Variants in SERPINB3 observed in about 807,000 individuals in gnomAD.
SERPINB3 encodes the protein serpin B3.
In SERPINB3, 33 loss-of-function variants were observed where a neutral mutation model predicts 33.0. The observed-to-expected ratio is 1.00, with a 90% confidence interval of 0.76 to 1.34. The LOEUF (loss-of-function observed/expected upper bound fraction) is 1.34. Among genes scored for constraint, SERPINB3 ranks in the 40% most tolerant of loss-of-function variants. SERPINB3 has a pLI of 0.00. For missense variants in SERPINB3, 518 were observed against 461.5 expected, an observed-to-expected ratio of 1.12 and a Z score of -1.12; for synonymous variants, 200 against 170.9, an observed-to-expected ratio of 1.17 and a Z score of -1.33.
Position 63,657,388 on chromosome 18 carries a change from T to C in SERPINB3, c.494A>G (p.Glu165Gly). 6.2e-7 allele frequency: 1 copy of C among 1,607,654 alleles called. No individual in the cohort carries two copies. The highest frequency in any genetic ancestry group is 8.5e-7 in the Non-Finnish European group (1 of 1,176,676). Residue 165 changes from glutamate (E) to glycine (G), a missense_variant, in exon 6 of 8, where the codon GAA becomes GGA. Glu to Gly is a moderately conservative substitution (Grantham distance 98, BLOSUM62 -2). Transcript: ENST00000283752. ...TNEKIKNLIP[E>G]GNIGSNTTLV... ...TGTGGTATTGCTGCCAATATTACCT[T>C]CAGGAATTAGGTTTTTAATTTTTTC...
chr18:63,656,265 A>G lies in SERPINB3; in HGVS notation c.769-204T>C, dbSNP rs1427875634. ...ATTGGGTTATATGTGTATGTGTATA[A>G]ACAGAATCAAGTTTTTATGTATATG... is the stretch of plus-strand genomic sequence containing the variant. On this transcript the variant is annotated intron_variant, in intron 7 of 7. Transcript: ENST00000283752. Among the ~76,000 whole-genome samples, 4 of 141,854 alleles carry G rather than the reference A, an allele frequency of 2.8e-5. No homozygotes were observed. In the South Asian group the frequency reaches 8.3e-4, roughly 29 times the overall value. 93.1% of individuals were successfully genotyped at this position (141,854 alleles called of 152,430 possible). A position where few individuals can be genotyped will look rare whatever the true frequency, so the allele number is the denominator to read the frequency against.
At chr18:63,658,799 C>T (rs540518185) in intron 4 of SERPINB3, among the ~76,000 whole-genome samples, 169 bp from the exon 5 acceptor site, 13 of 152,218 alleles carry the variant, frequency 8.5e-5, no homozygotes, top group Non-Finnish European at 1.6e-4. Context: ...AATGCAAAAG[C>T]GGAGTGCGGG....
rs1215892607 is a variant in SERPINB3, at chr18:63,657,298, G to C, written c.584C>G (p.Thr195Ser). The C allele has an allele frequency of 6.2e-7, 1 of 1,600,684 alleles. No individual in the cohort carries two copies. Among genetic ancestry groups the C allele is most frequent in the South Asian group, 1.1e-5 (1 of 89,330 alleles). Residue 195 changes from threonine to serine, a missense_variant, in exon 6 of 8, where the codon ACT becomes AGT. By Grantham distance (58) the Thr-to-Ser change is moderately conservative. Transcript: ENST00000283752. ...GTTTGGCCAAAATTTTTCCTCTTTAGTATCTTCTTTATTAAATTTCTTCTC... is the reference window on the plus strand; with the variant it reads ...GTTTGGCCAAAATTTTTCCTCTTTACTATCTTCTTTATTAAATTTCTTCTC... Reference protein sequence around the residue: ...QWEKKFNKEDTKEEKFWPNKN... With the variant: ...QWEKKFNKEDSKEEKFWPNKN...
rs544037472 is a variant in SERPINB3, at chr18:63,660,678, C to G, written c.222+122G>C. 4.5e-5 allele frequency: 56 copies of G among 1,240,966 alleles called. 1 individual carries two copies. The East Asian group carries it at 1.4e-3, about 30-fold the overall frequency. The allele number at this position is 1,240,966 out of a possible 1,614,324, so 76.9% of individuals were successfully genotyped here. On this transcript the variant is annotated intron_variant, in intron 3 of 7. Coordinates refer to ENST00000283752, the MANE Select transcript of SERPINB3 (RefSeq NM_006919.3). ...TGAAATGCCAACCCACTCTGTATGT[C>G]TCAATCTTTGTGTCCAAGATTTTCC...
chr18:63,656,028 C>T lies in SERPINB3; in HGVS notation c.802G>A (p.Glu268Lys). 6.2e-7 allele frequency: 1 copy of T among 1,613,746 alleles called. No individual in the cohort carries two copies. The highest frequency in any genetic ancestry group is 1.1e-5 in the South Asian group (1 of 91,058). Reference sequence around the variant, plus strand: ...CTCATATTCTGCAAACTTGTCCATTCCATCAATTTCTCAGCAGTGAGTTTC... The same window carrying T: ...CTCATATTCTGCAAACTTGTCCATTTCATCAATTTCTCAGCAGTGAGTTTC... ...EEKLTAEKLMEWTSLQNMRET... is the reference protein window; with the variant it reads ...EEKLTAEKLMKWTSLQNMRET... The change falls in exon 8 of 8, where the codon GAA becomes AAA. Residue 268 changes from glutamate to lysine, a missense_variant. By Grantham distance (56) the Glu-to-Lys change is moderately conservative (BLOSUM62 1). Coordinates refer to ENST00000283752, the MANE Select transcript of SERPINB3 (RefSeq NM_006919.3).
chr18:63,658,411 A>T (rs1287557840), intron 5 of SERPINB3, 102 bp downstream of exon 5: 6 of 956,386 alleles, frequency 6.3e-6, no homozygotes, highest in Non-Finnish European at 9.7e-6. Context: ...CTCCCTGCAA[A>T]GCCATCTCAA....
At chr18:63,659,802 T>A (rs1913594975) in intron 3 of SERPINB3, among the ~76,000 whole-genome samples, 1 of 152,208 alleles carries the variant, frequency 6.6e-6, no homozygotes, top group Non-Finnish European at 1.5e-5. Context: ...TTTGTCCTTG[T>A]TGGTTTAAAG....
At chr18:63,658,661 T>G in intron 4 of SERPINB3, 31 bp from the exon 5 acceptor site, 1 of 1,536,962 alleles carries the variant, frequency 6.5e-7, no homozygotes, top group Non-Finnish European at 9.0e-7. Context: ...AAGTAGGAAG[T>G]AAGAGTAATT....
At position 63,660,853 on chromosome 18, in the gene SERPINB3, G is replaced by A. The variant is rs1397869998; in HGVS notation, c.169C>T (p.Leu57Phe). The part of the protein sequence containing the change: ...DNTAQQIKKV[L>F]HFDQVTENTT... ...TTCTCTGTGACTTGATCAAAGTGAA[G>A]AACCTGGAAGAGACATGAAGCGGGA... is the stretch of plus-strand genomic sequence containing the variant. The change falls in exon 3 of 8, where the codon CTT (leucine) becomes TTT (phenylalanine). Residue 57 changes from leucine to phenylalanine, a missense_variant. Physicochemically the swap from Leu to Phe is conservative, Grantham distance 22. Coordinates refer to ENST00000283752, the MANE Select transcript of SERPINB3 (RefSeq NM_006919.3). 3.7e-6 allele frequency: 6 copies of A among 1,613,312 alleles called. No individual in the cohort carries two copies. The highest frequency in any genetic ancestry group is 1.1e-5 in the South Asian group (1 of 91,072).
intron 7 of SERPINB3, among the ~76,000 whole-genome samples, 185 bp from the exon 8 acceptor site, chr18:63,656,246 T>G (rs1913492327): frequency 6.7e-6 from 1 of 149,596 alleles, no homozygotes; most frequent in South Asian, 2.1e-4. Context: ...ATACATTGGG[T>G]TATATGTGTA....
intron 3 of SERPINB3, among the ~76,000 whole-genome samples, chr18:63,659,970 G>T (rs1245300257): frequency 6.6e-6 from 1 of 152,176 alleles, no homozygotes; most frequent in African/African-American, 2.4e-5. Context: ...CTGTTATCTT[G>T]TAGGACACAT....
rs149071083 is a variant in SERPINB3 at position 63,655,772 on chromosome 18, C to T, written c.1058G>A (p.Gly353Glu). The stretch of plus-strand genomic sequence containing the variant: ...TTCATTAGTTGAAGTAGGTGATGAT[C>T]CGAATCCTACTACAGCGGTGGCAGC... ...AAAATAVVGF[G>E]SSPTSTNEEF... The change falls in exon 8 of 8, where the codon GGA becomes GAA. Residue 353 changes from glycine to glutamate, a missense_variant. Coordinates refer to ENST00000283752, the MANE Select transcript of SERPINB3 (RefSeq NM_006919.3). The T allele has an allele frequency of 1.3e-5, 21 of 1,610,356 alleles. No homozygotes were observed. In the African/African-American group the frequency reaches 2.2e-4, roughly 17 times the overall value.
chr18:63,655,863 G>A lies in SERPINB3; in HGVS notation c.967C>T (p.Leu323Phe), dbSNP rs866537062. The A allele has an allele frequency of 1.9e-6, 3 of 1,613,802 alleles. No individual in the cohort carries two copies. Among genetic ancestry groups the A allele is most frequent in the Non-Finnish European group, 2.5e-6 (3 of 1,179,948 alleles). ...DLSGMTGSRG[L>F]VLSGVLHKAF... is the part of the protein sequence containing the mutation. ...TTGTGTAGGACTCCAGATAGCACGA[G>A]ACCGCGGCTCCCGGTCATGCCTGAG... The change falls in exon 8 of 8, where the codon CTC (leucine) becomes TTC (phenylalanine). Residue 323 changes from leucine to phenylalanine, a missense_variant. Transcript: ENST00000283752.
chr18:63,658,216 G>C (rs1913548619), intron 5 of SERPINB3, among the ~76,000 whole-genome samples: 1 of 152,124 alleles, frequency 6.6e-6, no homozygotes, highest in Admixed American at 6.5e-5. Flanking sequence ...TAAAGGACAT[G>C]ATCTCAAATT....
rs1047264 is a variant in SERPINB3 at position 63,655,361 on chromosome 18, C to G, written c.*296G>C. 4.3e-4 allele frequency: 117 copies of G among 271,400 alleles called. No individual in the cohort carries two copies. The Middle Eastern group carries it at 6.5e-3, about 15-fold the overall frequency. 16.8% of individuals were successfully genotyped at this position (271,400 alleles called of 1,614,324 possible). On this transcript the variant is annotated 3_prime_UTR_variant, in exon 8 of 8. Transcript: ENST00000283752. ...GGTTTGGTTCATTTAAAACAGGTCA[C>G]AAACAGAATTATATTTCAAATTTAG... is the stretch of plus-strand genomic sequence containing the variant.
At position 63,655,663 on chromosome 18, in the gene SERPINB3, G is replaced by T. The variant is rs780564357; in HGVS notation, c.1167C>A (p.Ser389=). The T allele has an allele frequency of 6.2e-7, 1 of 1,605,406 alleles. No individual in the cohort carries two copies. The highest frequency in any genetic ancestry group is 1.3e-5 in the African/African-American group (1 of 74,758). Residue 389 remains serine, a synonymous_variant, in exon 8 of 8, where the codon TCC becomes TCA. Coordinates refer to ENST00000283752, the MANE Select transcript of SERPINB3 (RefSeq NM_006919.3). ...AGTGACAGACTAATTGCATCTACGG[G>T]GATGAGAATCTGCCATAGAAGAGGA... ...NSILFYGRFS[S]P
At chr18:63,659,314 A>C (rs763710167) in intron 4 of SERPINB3, 85 bp downstream of exon 4, 136 of 1,462,004 alleles carry the variant, frequency 9.3e-5, no homozygotes, top group Non-Finnish European at 1.3e-4. Flanking sequence ...GGTCAGGCTC[A>C]TCTGCCTTGC....
At position 63,657,332 on chromosome 18, in the gene SERPINB3, C is replaced by T. The variant is rs1408237649; in HGVS notation, c.550G>A (p.Gly184Arg). The T allele has an allele frequency of 1.9e-6, 3 of 1,610,142 alleles. No homozygotes were observed. Among genetic ancestry groups the T allele is most frequent in the African/African-American group, 2.7e-5 (2 of 74,820 alleles). The change falls in exon 6 of 8, where the codon GGG becomes AGG. Residue 184 changes from glycine to arginine, a missense_variant. Coordinates refer to ENST00000283752, the MANE Select transcript of SERPINB3 (RefSeq NM_006919.3). ...LVLVNAIYFK[G>R]QWEKKFNKED... ...TTATTAAATTTCTTCTCCCACTGCC[C>T]TTTGAAATAGATTGCGTTCACAAGA...
At position 63,660,966 on chromosome 18, in the gene SERPINB3, A is replaced by T; in HGVS notation, c.165+86T>A. On this transcript the variant is annotated intron_variant, in intron 2 of 7. Transcript: ENST00000283752. ...CTCAGCCCCCTGTGCTACCCATCAG[A>T]CCACCACATCTATTACCATCTGCGT... 3 of 1,608,838 alleles carry T rather than the reference A, an allele frequency of 1.9e-6. No individual in the cohort carries two copies. In the South Asian group the frequency reaches 3.3e-5, roughly 18 times the overall value.
Sources: gnomAD v4.1 joint callset for allele counts (sites outside exome capture counted in the v4.1 genomes callset) on GRCh38, gnomAD v4.1.1 for gene constraint, MANE v1.5 for transcripts, NCBI Gene and HGNC (gene_info 2026-07-23, HGNC 2026-07-21) for gene names.